Variants in DLGAP2 observed in about 807,000 individuals in gnomAD.
DLGAP2 encodes disks large-associated protein 2.
DLGAP2 carries 26 observed loss-of-function variants against 100.3 expected under a neutral mutation model. The observed-to-expected ratio is 0.26, with a 90% CI of 0.19 to 0.36. The LOEUF is 0.36. DLGAP2 is among the 10% of genes least tolerant of loss of function. The probability of loss-of-function intolerance (pLI) is 1.00; values close to 1 mark genes in which losing one functional copy is unlikely to be tolerated. For missense variants in DLGAP2, 1,858 were observed against 1,453.2 expected, an observed-to-expected ratio of 1.28 and a Z score of -4.53; for synonymous variants, 886 against 630.1, an observed-to-expected ratio of 1.41 and a Z score of -6.08.
rs2116985265 is a variant in DLGAP2, at chr8:1,297,997, CAGACACCACG to C, written c.106+39115_106+39124del. On this transcript the variant is annotated intron_variant, in intron 3 of 14. Transcript: ENST00000637795. ...GGAGGAGAAACGTGGCAGGCGTCAA[CAGACACCACG>C]TGAGACAGGGAGGAGAAACGTGGCA... Among the ~76,000 whole-genome samples, 3 of 39,398 alleles carry C rather than the reference CAGACACCACG, an allele frequency of 7.6e-5. 1 individual carries two copies. The East Asian group carries it at 1.6e-3, about 20-fold the overall frequency. 25.8% of individuals were successfully genotyped at this position (39,398 alleles called of 152,430 possible).
At chr8:1,206,969 A>C (rs1411523029) in intron 2 of DLGAP2, among the ~76,000 whole-genome samples, 1 of 151,786 alleles carries the variant, frequency 6.6e-6, no homozygotes, top group Non-Finnish European at 1.5e-5. Context: ...GTCTCGGTGA[A>C]ACTTCCTGCC....
intron 5 of DLGAP2, among the ~76,000 whole-genome samples, chr8:1,565,304 CT>C (rs5888845): frequency 0.94 from 138,639 of 147,932 alleles, 64,982 homozygotes; most frequent in East Asian, 0.99. Context: ...CCCTTGTTTT[CT>C]TTTTTTTTTT....
chr8:821,916 G>T (rs28413782), intron 1 of DLGAP2, among the ~76,000 whole-genome samples: 34,003 of 152,208 alleles, frequency 0.22, 4,557 homozygotes, highest in Non-Finnish European at 0.31. Flanking sequence ...CAAACAGTTG[G>T]TGGTGATTTT....
At chr8:907,382 T>C (rs1798402363) in intron 1 of DLGAP2, among the ~76,000 whole-genome samples, 1 of 152,252 alleles carries the variant, frequency 6.6e-6, no homozygotes, top group Non-Finnish European at 1.5e-5. Context: ...TTTTCACCTC[T>C]CCTTCACTTA....
intron 3 of DLGAP2, among the ~76,000 whole-genome samples, chr8:1,325,012 A>G (rs1800988273): frequency 6.6e-6 from 1 of 152,162 alleles, no homozygotes; most frequent in Admixed American, 6.5e-5. Flanking sequence ...GTACTTCCCC[A>G]GGCCAGATCA....
intron 2 of DLGAP2, among the ~76,000 whole-genome samples, chr8:1,164,642 C>T (rs1796979076): frequency 6.6e-6 from 1 of 152,202 alleles, no homozygotes; most frequent in Non-Finnish European, 1.5e-5. Flanking sequence ...ACCGCCAGGG[C>T]CTGTCTCTAA....
chr8:920,469 C>T (rs978263482), intron 2 of DLGAP2, among the ~76,000 whole-genome samples: 1 of 152,228 alleles, frequency 6.6e-6, no homozygotes, highest in Admixed American at 6.5e-5. Context: ...AATCTAAAAA[C>T]AATTCAGCAG....
intron 2 of DLGAP2, among the ~76,000 whole-genome samples, chr8:956,532 TCA>T (rs910607364): frequency 6.6e-6 from 1 of 152,124 alleles, no homozygotes; most frequent in African/African-American, 2.4e-5. Context: ...CAGACACCAC[TCA>T]GAGTTTTCTG....
intron 3 of DLGAP2, among the ~76,000 whole-genome samples, chr8:1,282,722 G>A (rs1448472136): frequency 1.6e-5 from 2 of 123,406 alleles, no homozygotes; most frequent in South Asian, 3.0e-4. Flanking sequence ...TGAACCCAGC[G>A]CCCTGAACCA....
At chr8:835,161 C>G (rs1189137868) in intron 1 of DLGAP2, among the ~76,000 whole-genome samples, 1 of 152,136 alleles carries the variant, frequency 6.6e-6, no homozygotes, top group Non-Finnish European at 1.5e-5. Flanking sequence ...TCGTCTGGTA[C>G]TATGCACTGA....
chr8:990,045 T>G (rs74746520), intron 2 of DLGAP2, among the ~76,000 whole-genome samples: 516 of 152,164 alleles, frequency 3.4e-3, no homozygotes, highest in African/African-American at 0.011. Flanking sequence ...GCATGATGGC[T>G]TCATTACAGA....
intron 2 of DLGAP2, among the ~76,000 whole-genome samples, chr8:1,056,613 A>G (rs561717498): frequency 6.6e-6 from 1 of 152,366 alleles, no homozygotes; most frequent in East Asian, 1.9e-4. Flanking sequence ...GAAAGGTGCC[A>G]GGACACCGGC....
intron 8 of DLGAP2, among the ~76,000 whole-genome samples, chr8:1,663,631 C>T (rs1345007228): frequency 6.6e-6 from 1 of 152,120 alleles, no homozygotes; most frequent in Non-Finnish European, 1.5e-5. Context: ...TTCCCTTGCG[C>T]CCTGAGCGTA....
At chr8:1,599,044 C>T (rs1236437578) in intron 6 of DLGAP2, among the ~76,000 whole-genome samples, 1 of 152,180 alleles carries the variant, frequency 6.6e-6, no homozygotes, top group African/African-American at 2.4e-5. Context: ...TTAGCTGTGT[C>T]CCAGAGATTC....
At chr8:1,509,328 CAAAA>C (rs11307586) in intron 4 of DLGAP2, among the ~76,000 whole-genome samples, 1 of 137,794 alleles carries the variant, frequency 7.3e-6, no homozygotes, top group East Asian at 2.4e-4. Flanking sequence ...AGACTCCGTC[CAAAA>C]AAAAAAAAAA....
chr8:1,619,686 G>A (rs1174959263), intron 6 of DLGAP2: 2 of 152,190 alleles, frequency 1.3e-5, no homozygotes, highest in Admixed American at 1.3e-4. Flanking sequence ...TGTATTGCAT[G>A]TAACATTCTT....
intron 3 of DLGAP2, among the ~76,000 whole-genome samples, chr8:1,376,127 C>T (rs1025641427): frequency 6.6e-6 from 1 of 150,862 alleles, no homozygotes; most frequent in Admixed American, 6.6e-5. Context: ...AGAACTGAGC[C>T]CCCACCTCCT....
intron 1 of DLGAP2, among the ~76,000 whole-genome samples, chr8:866,505 C>A (rs926673808): frequency 2.0e-5 from 3 of 152,178 alleles, no homozygotes; most frequent in Non-Finnish European, 4.4e-5. Flanking sequence ...TCCCCACCTT[C>A]TGGTAAACTC....
intron 2 of DLGAP2, among the ~76,000 whole-genome samples, chr8:1,234,747 A>G (rs1290740059): frequency 2.0e-5 from 3 of 152,116 alleles, no homozygotes; most frequent in Non-Finnish European, 4.4e-5. Flanking sequence ...CTGGGAACTC[A>G]TAGGTGGTTA....
Sources: gnomAD v4.1 joint callset for allele counts (sites outside exome capture counted in the v4.1 genomes callset) on GRCh38, gnomAD v4.1.1 for gene constraint, MANE v1.5 for transcripts, NCBI Gene and HGNC (gene_info 2026-07-23, HGNC 2026-07-21) for gene names.